FGGY: variants seen among roughly 807,000 people sequenced by gnomAD.
FGGY encodes FGGY carbohydrate kinase domain-containing protein.
In FGGY, 72 loss-of-function variants were observed where a neutral mutation model predicts 71.3. The ratio of observed to expected loss-of-function variants is 1.01; its 90% confidence interval spans 0.84 to 1.23. FGGY has a LOEUF of 1.23. FGGY is among the 50% of genes most tolerant of loss of function. The pLI is 0.00. For synonymous variants in FGGY, 251 were observed against 250.3 expected (o/e 1.00, Z -0.02); for missense variants, 668 against 682.3 (o/e 0.98, Z 0.23).
Position 59,576,681 on chromosome 1 carries a change from C to G in FGGY, c.903+22454C>G, listed in dbSNP as rs397752130. 2.8e-3 allele frequency among the ~76,000 whole-genome samples: 324 copies of G among 117,652 alleles called. 1 individual carries two copies. The highest frequency in any genetic ancestry group is 9.1e-3 in the Admixed American group (109 of 11,924). The allele number at this position is 117,652 out of a possible 152,430, so 77.2% of individuals were successfully genotyped here. On this transcript the variant is annotated intron_variant, in intron 8 of 15. Coordinates refer to ENST00000303721, the MANE Select transcript of FGGY (RefSeq NM_018291.5). The stretch of plus-strand genomic sequence containing the variant: ...AGACAGACAGACAGACAGACAGACA[C>G]ACACACACACACACACACACACACA...
At chr1:59,741,621 T>C (rs147843256) in intron 14 of FGGY, among the ~76,000 whole-genome samples, 2 of 152,072 alleles carry the variant, frequency 1.3e-5, no homozygotes, top group South Asian at 2.1e-4. Context: ...CTGGGTAACA[T>C]AGTGAGACAC....
At chr1:59,409,205 T>G (rs765819633) in intron 5 of FGGY, among the ~76,000 whole-genome samples, 3 of 152,190 alleles carry the variant, frequency 2.0e-5, no homozygotes, top group Non-Finnish European at 4.4e-5. Flanking sequence ...AACAAAGGTT[T>G]TAGAAGGCAG....
intron 9 of FGGY, among the ~76,000 whole-genome samples, chr1:59,622,233 T>G (rs1448816799): frequency 6.6e-6 from 1 of 152,146 alleles, no homozygotes; most frequent in East Asian, 1.9e-4. Context: ...TTTACATCCT[T>G]AAGCATTGTT....
At chr1:59,469,776 T>C (rs2092843996) in intron 6 of FGGY, among the ~76,000 whole-genome samples, 1 of 152,084 alleles carries the variant, frequency 6.6e-6, no homozygotes, top group African/African-American at 2.4e-5. Flanking sequence ...AAGGACCCAG[T>C]GTGTGTTATC....
intron 6 of FGGY, among the ~76,000 whole-genome samples, chr1:59,479,969 A>G (rs929539580): frequency 6.6e-6 from 1 of 152,182 alleles, no homozygotes; most frequent in African/African-American, 2.4e-5. Flanking sequence ...CTAATCTGTT[A>G]CCAAGTGCTG....
At chr1:59,502,210 T>G (rs1214750404) in intron 6 of FGGY, among the ~76,000 whole-genome samples, 1 of 152,186 alleles carries the variant, frequency 6.6e-6, no homozygotes, top group African/African-American at 2.4e-5. Context: ...AGTGCTATGC[T>G]AAACCACCTG....
At chr1:59,375,792 T>C (rs183773260) in intron 4 of FGGY, among the ~76,000 whole-genome samples, 17 of 152,250 alleles carry the variant, frequency 1.1e-4, no homozygotes, top group African/African-American at 3.9e-4. Context: ...TTGGGTTCTG[T>C]TGTCCCACAG....
chr1:59,359,087 A>T (rs943544421), intron 4 of FGGY, among the ~76,000 whole-genome samples: 17 of 152,348 alleles, frequency 1.1e-4, no homozygotes, highest in Non-Finnish European at 2.1e-4. Flanking sequence ...TACAGATAAG[A>T]CATCATTGGA....
chr1:59,658,898 T>C (rs564422000), intron 11 of FGGY, among the ~76,000 whole-genome samples: 108 of 152,260 alleles, frequency 7.1e-4, no homozygotes, highest in Non-Finnish European at 1.3e-3. Flanking sequence ...TTGAGACTGC[T>C]TAAATATGGG....
intron 6 of FGGY, among the ~76,000 whole-genome samples, chr1:59,503,722 A>G (rs2094301244): frequency 6.6e-6 from 1 of 150,830 alleles, no homozygotes; most frequent in Non-Finnish European, 1.5e-5. Context: ...AAGGAACATG[A>G]GAGTTAGCAG....
chr1:59,494,279 T>C (rs1238035290), intron 6 of FGGY, among the ~76,000 whole-genome samples: 1 of 152,046 alleles, frequency 6.6e-6, no homozygotes, highest in Non-Finnish European at 1.5e-5. Flanking sequence ...GGCTGAAATG[T>C]GGGTAGGGAA....
intron 11 of FGGY, among the ~76,000 whole-genome samples, chr1:59,643,101 G>A (rs2097054994): frequency 6.6e-6 from 1 of 151,576 alleles, no homozygotes; most frequent in Non-Finnish European, 1.5e-5. Context: ...ACACTTAAAG[G>A]AAAGCCCTCT....
chr1:59,540,183 T>A (rs1405639578), intron 7 of FGGY, among the ~76,000 whole-genome samples: 2 of 152,218 alleles, frequency 1.3e-5, no homozygotes, highest in African/African-American at 4.8e-5. Flanking sequence ...TGACCACACT[T>A]TGGGAAAGAG....
chr1:59,592,528 A>G (rs564430000), intron 8 of FGGY, among the ~76,000 whole-genome samples: 1 of 152,324 alleles, frequency 6.6e-6, no homozygotes, highest in South Asian at 2.1e-4. Flanking sequence ...AAGACTTGGA[A>G]CCAACCCAAA....
chr1:59,616,867 C>A (rs1166151670), intron 9 of FGGY, among the ~76,000 whole-genome samples: 1 of 152,068 alleles, frequency 6.6e-6, no homozygotes, highest in Non-Finnish European at 1.5e-5. Flanking sequence ...CCTATAGATA[C>A]AGTCATTATC....
At chr1:59,475,455 A>G (rs2093217225) in intron 6 of FGGY, among the ~76,000 whole-genome samples, 1 of 152,250 alleles carries the variant, frequency 6.6e-6, no homozygotes, top group African/African-American at 2.4e-5. Context: ...ACAACTTAGA[A>G]GAGTTTTTCT....
At position 59,585,332 on chromosome 1, in the gene FGGY, A is replaced by G. The variant is rs186456107; in HGVS notation, c.904-22471A>G. On this transcript the variant is annotated intron_variant, in intron 8 of 15. Transcript: ENST00000303721. ...GGTACCAAAACAGAGATGCAGACCA[A>G]TGGAACAGAACAGAGCCCTCAGAAA... is the stretch of plus-strand genomic sequence containing the variant. Among the ~76,000 whole-genome samples, 152 of 152,330 alleles carry G rather than the reference A, an allele frequency of 1.0e-3. 1 individual carries two copies. Among genetic ancestry groups the G allele is most frequent in the African/African-American group, 3.6e-3 (149 of 41,574 alleles).
intron 5 of FGGY, among the ~76,000 whole-genome samples, chr1:59,446,245 G>C (rs1476886977): frequency 6.6e-6 from 1 of 152,030 alleles, no homozygotes; most frequent in Non-Finnish European, 1.5e-5. Flanking sequence ...AAGATCTTTT[G>C]TTTTCTGACT....
chr1:59,722,729 A>AT (rs2100679944), intron 14 of FGGY, among the ~76,000 whole-genome samples: 1 of 152,274 alleles, frequency 6.6e-6, no homozygotes, highest in South Asian at 2.1e-4. Flanking sequence ...CTTTAGGCTA[A>AT]TTGTGCATAT....
Sources: gnomAD v4.1 joint callset for allele counts (sites outside exome capture counted in the v4.1 genomes callset) on GRCh38, gnomAD v4.1.1 for gene constraint, MANE v1.5 for transcripts, NCBI Gene and HGNC (gene_info 2026-07-23, HGNC 2026-07-21) for gene names.